Variants in MB21D2 observed in about 807,000 individuals in gnomAD.
The protein encoded by MB21D2 is Mab-21 domain containing 2.
A neutral mutation model predicts 33.3 loss-of-function variants in MB21D2; 9 were observed. That is an observed-to-expected ratio of 0.27 (90% CI 0.16 to 0.47). The LOEUF (loss-of-function observed/expected upper bound fraction) is 0.47. Ranked by LOEUF, MB21D2 falls within the 20% of genes least tolerant of loss-of-function variation. The probability of loss-of-function intolerance (pLI) is 0.99; values close to 1 mark genes in which losing one functional copy is unlikely to be tolerated. For synonymous variants in MB21D2, 241 were observed against 236.3 expected, an observed-to-expected ratio of 1.02 and a Z score of -0.18; for missense variants, 540 against 624.6, an observed-to-expected ratio of 0.86 and a Z score of 1.44.
intron 1 of MB21D2, among the ~76,000 whole-genome samples, chr3:192,915,662 C>T (rs1714448554): frequency 6.6e-6 from 1 of 152,122 alleles, no homozygotes; most frequent in Non-Finnish European, 1.5e-5. Context: ...ACAATGCCAC[C>T]CATGGCATTA....
intron 1 of MB21D2, among the ~76,000 whole-genome samples, chr3:192,816,202 C>T (rs559146845): frequency 1.4e-5 from 2 of 141,712 alleles, no homozygotes; most frequent in South Asian, 2.3e-4. Context: ...GGCAAAAAGA[C>T]GAGAGGACAA....
chr3:192,804,508 TTA>T (rs976255569), intron 1 of MB21D2, among the ~76,000 whole-genome samples: 4 of 152,040 alleles, frequency 2.6e-5, no homozygotes, highest in African/African-American at 7.2e-5. Context: ...AGTAAAATTT[TTA>T]TGTCTTATAA....
chr3:192,884,550 G>C (rs966562785), intron 1 of MB21D2, among the ~76,000 whole-genome samples: 2 of 150,578 alleles, frequency 1.3e-5, no homozygotes, highest in Non-Finnish European at 3.0e-5. Flanking sequence ...GTATTTTTTA[G>C]TAGAGACGGG....
chr3:192,807,641 A>C (rs1054595689), intron 1 of MB21D2, among the ~76,000 whole-genome samples: 2 of 152,194 alleles, frequency 1.3e-5, no homozygotes, highest in Admixed American at 6.5e-5. Context: ...ACATTTTGGA[A>C]GAAAAATAAT....
At chr3:192,870,781 T>TA (rs1217904595) in intron 1 of MB21D2, among the ~76,000 whole-genome samples, 3 of 105,450 alleles carry the variant, frequency 2.8e-5, no homozygotes, top group Non-Finnish European at 5.8e-5. Flanking sequence ...TCGAGGAGTT[T>TA]AAAAAAAAAA....
intron 1 of MB21D2, among the ~76,000 whole-genome samples, chr3:192,841,893 A>C (rs1359644025): frequency 6.6e-6 from 1 of 152,226 alleles, no homozygotes; most frequent in African/African-American, 2.4e-5. Context: ...GAAGTGGTAG[A>C]GTGTAATATG....
In MB21D2 at chr3:192,860,652, C is replaced by G. The variant is rs1206223134; in HGVS notation, c.211+56978G>C. 2.6e-5 allele frequency among the ~76,000 whole-genome samples: 4 copies of G among 152,148 alleles called. 1 individual carries two copies. In the South Asian group the frequency reaches 8.3e-4, roughly 32 times the overall value. On this transcript the variant is annotated intron_variant, in intron 1 of 1. Coordinates refer to ENST00000392452, the MANE Select transcript of MB21D2 (RefSeq NM_178496.4). ...AGAGACAGTCTGCACATGGTGCCAG[C>G]CCGCCCTGGGAGCCAGCTCTGCCAG... is the stretch of plus-strand genomic sequence containing the variant.
chr3:192,856,469 G>T (rs1339497917), intron 1 of MB21D2, among the ~76,000 whole-genome samples: 1 of 152,162 alleles, frequency 6.6e-6, no homozygotes, highest in Admixed American at 6.6e-5. Context: ...AAAAGACCCA[G>T]TTAATCTTTC....
chr3:192,798,865 G>A lies in MB21D2; in HGVS notation c.997C>T (p.Arg333Trp), dbSNP rs1560223650. 3 of 1,612,970 alleles carry A rather than the reference G, an allele frequency of 1.9e-6. No homozygotes were observed. Among genetic ancestry groups the A allele is most frequent in the Non-Finnish European group, 2.5e-6 (3 of 1,179,678 alleles). ...RPKAISPYHL[R>W]SMMLWACDRL... ...TCGCAGGCCCAGAGCATCATGCTCCGCAGGTGATAGGGGCTAATAGCCTTG... is the reference window on the plus strand; with the variant it reads ...TCGCAGGCCCAGAGCATCATGCTCCACAGGTGATAGGGGCTAATAGCCTTG... Residue 333 changes from arginine (R) to tryptophan (W), a missense_variant, in exon 2 of 2, where the codon CGG (arginine) becomes TGG (tryptophan). Arg to Trp is a moderately radical substitution (Grantham distance 101, BLOSUM62 -3). Transcript: ENST00000392452. This position sits in a 1 kb window ranked among gnomAD's most constrained non-coding sequence, Gnocchi z 4.8.
rs1190232975 is a variant in MB21D2, at chr3:192,798,473, A to G, written c.1389T>C (p.Thr463=). The G allele has an allele frequency of 6.2e-7, 1 of 1,614,190 alleles. No individual in the cohort carries two copies. The highest frequency in any genetic ancestry group is 1.3e-5 in the African/African-American group (1 of 75,050). ...CAGAGATTGACTTTCCCGGGTTCTC[A>G]GTCACTAGCTGCTGCAGTTTTTTTG... ...RLAKKLQQLV[T]ENPGKSISVF... Residue 463 remains threonine (T), a synonymous_variant, in exon 2 of 2, where the codon ACT becomes ACC. Transcript: ENST00000392452. This position sits in a 1 kb window ranked among gnomAD's most constrained non-coding sequence, Gnocchi z 4.8.
chr3:192,809,446 A>T (rs1435394554), intron 1 of MB21D2, among the ~76,000 whole-genome samples: 3 of 152,092 alleles, frequency 2.0e-5, no homozygotes, highest in African/African-American at 4.8e-5. Flanking sequence ...CAGCCAAATA[A>T]ATTGTTTATG....
At chr3:192,904,083 C>T (rs1266278360) in intron 1 of MB21D2, among the ~76,000 whole-genome samples, 1 of 152,182 alleles carries the variant, frequency 6.6e-6, no homozygotes, top group Non-Finnish European at 1.5e-5. Context: ...GGTGTTAGGA[C>T]TGATTTAGCT....
chr3:192,820,379 G>A (rs1212154280), intron 1 of MB21D2, among the ~76,000 whole-genome samples: 1 of 152,054 alleles, frequency 6.6e-6, no homozygotes, highest in Non-Finnish European at 1.5e-5. Flanking sequence ...AATACAAAAT[G>A]TAATTTCAGA....
chr3:192,853,641 G>T (rs1033739052), intron 1 of MB21D2, among the ~76,000 whole-genome samples: 6 of 151,554 alleles, frequency 4.0e-5, no homozygotes, highest in African/African-American at 1.5e-4. Context: ...GGTGTTTTTG[G>T]TGTTTTGTTT....
intron 1 of MB21D2, among the ~76,000 whole-genome samples, chr3:192,802,081 C>G (rs1293419574): frequency 6.6e-6 from 1 of 152,204 alleles, no homozygotes; most frequent in Non-Finnish European, 1.5e-5. Context: ...GGACTTCCAG[C>G]TGCTTAAATG....
intron 1 of MB21D2, among the ~76,000 whole-genome samples, chr3:192,913,735 G>C (rs1577206042): frequency 6.6e-6 from 1 of 152,088 alleles, no homozygotes; most frequent in East Asian, 1.9e-4. Context: ...GGGAGGCTGA[G>C]ACAGGAAGAT....
At chr3:192,805,525 A>AAT (rs976877071) in intron 1 of MB21D2, among the ~76,000 whole-genome samples, 9 of 152,140 alleles carry the variant, frequency 5.9e-5, no homozygotes, top group African/African-American at 1.4e-4. Flanking sequence ...TATTGACCAG[A>AAT]ATATATATAT....
intron 1 of MB21D2, among the ~76,000 whole-genome samples, chr3:192,892,333 A>C (rs966677319): frequency 3.3e-5 from 5 of 152,230 alleles, no homozygotes; most frequent in Admixed American, 1.3e-4. Context: ...TCTTTGAATT[A>C]ATAACCCAAA....
At chr3:192,908,814 G>A (rs944072275) in intron 1 of MB21D2, among the ~76,000 whole-genome samples, 1 of 152,078 alleles carries the variant, frequency 6.6e-6, no homozygotes, top group Non-Finnish European at 1.5e-5. Context: ...GGTGTCAGAA[G>A]GTCATCTGTA....
Sources: gnomAD v4.1 joint callset for allele counts (sites outside exome capture counted in the v4.1 genomes callset) on GRCh38, gnomAD v4.1.1 for gene constraint, Gnocchi (gnomAD v3.1) non-coding constraint, MANE v1.5 for transcripts, NCBI Gene and HGNC (gene_info 2026-07-23, HGNC 2026-07-21) for gene names.